The following CBLIF variants were observed in gnomAD, a reference collection of about 807,000 sequenced individuals.
CBLIF encodes cobalamin binding intrinsic factor.
Under a neutral mutation model 44.9 loss-of-function variants are expected in CBLIF, and 24 were observed. The ratio of observed to expected loss-of-function variants is 0.53; its 90% CI spans 0.39 to 0.75. The LOEUF (loss-of-function observed/expected upper bound fraction) is 0.75, where lower values mean the gene tolerates loss of function less well. Among genes scored for constraint, CBLIF ranks in the 30% least tolerant of loss-of-function variants. CBLIF has a pLI of 0.00. For missense variants in CBLIF, 481 were observed against 513.0 expected (o/e 0.94, Z 0.60); for synonymous variants, 183 against 190.9 (o/e 0.96, Z 0.34).
In CBLIF at chr11:59,829,516, C is replaced by G; in HGVS notation, c.1222G>C (p.Glu408Gln). 1 of 1,611,584 alleles carries G rather than the reference C, an allele frequency of 6.2e-7. No individual in the cohort carries two copies. The highest frequency in any genetic ancestry group is 8.5e-7 in the Non-Finnish European group (1 of 1,177,762). ...GVADYIPFNH[E>Q]HITANFTQY is the part of the protein sequence containing the mutation. ...TGTGTGAAATTGGCTGTGATGTGCT[C>G]GTGGTTGAAGGGTATGTAGTCAGCA... The change falls in exon 9 of 9, where the codon GAG (glutamate) becomes CAG (glutamine). Residue 408 changes from glutamate to glutamine, a missense_variant. Transcript: ENST00000257248.
intron 3 of CBLIF, 189 bp downstream of exon 3, chr11:59,842,838 CT>C (rs1866555879): frequency 9.2e-6 from 6 of 652,420 alleles, no homozygotes; most frequent in Non-Finnish European, 1.6e-5. Context: ...GGATCATGAC[CT>C]TTTCTAGTTC....
At chr11:59,842,422 G>A (rs769048446) in intron 4 of CBLIF, 21 bp downstream of exon 4, 1 of 1,612,806 alleles carries the variant, frequency 6.2e-7, no homozygotes, top group South Asian at 1.1e-5. Flanking sequence ...TCCCAGCTCG[G>A]GGTAGTGGTG....
chr11:59,842,292 C>G, intron 4 of CBLIF, 151 bp downstream of exon 4: 1 of 834,492 alleles, frequency 1.2e-6, no homozygotes, highest in East Asian at 2.5e-5. Context: ...GCCCAACAAA[C>G]ATCTGGTAAA....
At chr11:59,841,107 CAG>C in intron 5 of CBLIF, 34 bp downstream of exon 5, 4 of 1,522,588 alleles carry the variant, frequency 2.6e-6, no homozygotes, top group Non-Finnish European at 3.6e-6. Flanking sequence ...GGCTTATTGG[CAG>C]GAACCCAACC....
Position 59,837,310 on chromosome 11 carries a change from G to T in CBLIF, c.735C>A (p.Asn245Lys), listed in dbSNP as rs201261367. 6 of 1,613,290 alleles carry T rather than the reference G, an allele frequency of 3.7e-6. No homozygotes were observed. The Admixed American group carries it at 1.0e-4, about 27-fold the overall frequency. ...VTPEPSKKEW[N>K]CKKTTDMILN... Reference sequence around the variant, plus strand: ...GTATCATATCCGTAGTCTTCTTGCAGTTCCATTCCTTTTTAGATGGCTCAG... The same window carrying T: ...GTATCATATCCGTAGTCTTCTTGCATTTCCATTCCTTTTTAGATGGCTCAG... The change falls in exon 6 of 9, where the codon AAC (asparagine) becomes AAA (lysine). Residue 245 changes from asparagine (N) to lysine (K), a missense_variant. Asn to Lys is a moderately conservative substitution (Grantham distance 94, BLOSUM62 0). Transcript: ENST00000257248.
intron 7 of CBLIF, among the ~76,000 whole-genome samples, chr11:59,834,628 A>G (rs906374598): frequency 1.3e-5 from 2 of 151,326 alleles, no homozygotes; most frequent in African/African-American, 4.9e-5. Context: ...CCTACCCTCA[A>G]CTGATCCACC....
chr11:59,838,439 A>T lies in CBLIF; in HGVS notation c.694-1088T>A, dbSNP rs371931111. ...CGATTATGGCCACCAGAGCATGTTA[A>T]TAGGCTGAGATTGTTAATGACTGGT... On this transcript the variant is annotated intron_variant, in intron 5 of 8. Coordinates refer to ENST00000257248, the MANE Select transcript of CBLIF (RefSeq NM_005142.3). Among the ~76,000 whole-genome samples, 764 of 152,282 alleles carry T rather than the reference A, an allele frequency of 5.0e-3. 6 individuals carry two copies. Among genetic ancestry groups the T allele is most frequent in the African/African-American group, 0.016 (674 of 41,544 alleles).
In CBLIF at chr11:59,833,176, C is replaced by G. The variant is rs1321029615; in HGVS notation, c.1074-1380G>C. ...AAAGAAAAATTAGGCAAAATTAAAG[C>G]TAACTTCAGAGAAGTAAAGTACGGT... is the stretch of plus-strand genomic sequence containing the variant. On this transcript the variant is annotated intron_variant, in intron 7 of 8. Transcript: ENST00000257248. Among the ~76,000 whole-genome samples the G allele has an allele frequency of 5.3e-5, 8 of 152,064 alleles. No homozygotes were observed. In the East Asian group the frequency reaches 1.5e-3, roughly 29 times the overall value.
chr11:59,840,185 T>G (rs779739353), intron 5 of CBLIF, among the ~76,000 whole-genome samples: 9 of 152,212 alleles, frequency 5.9e-5, no homozygotes, highest in Non-Finnish European at 1.3e-4. Context: ...TTTTAATGTA[T>G]GAAATCTCAA....
intron 5 of CBLIF, among the ~76,000 whole-genome samples, chr11:59,840,739 T>C (rs773455295): frequency 3.3e-5 from 5 of 152,290 alleles, no homozygotes; most frequent in Middle Eastern, 3.4e-3. Flanking sequence ...AACACTTGGC[T>C]GGTAAGATTG....
At chr11:59,844,514 G>A (rs983364242) in intron 1 of CBLIF, among the ~76,000 whole-genome samples, 1 of 152,130 alleles carries the variant, frequency 6.6e-6, no homozygotes, top group Non-Finnish European at 1.5e-5. Context: ...AGAAAATGGT[G>A]AGATTTTACT....
rs755791368 is a variant in CBLIF at position 59,831,717 on chromosome 11, A to T, written c.1153T>A (p.Tyr385Asn). 6.3e-7 allele frequency: 1 copy of T among 1,595,722 alleles called. No homozygotes were observed. Among genetic ancestry groups the T allele is most frequent in the South Asian group, 1.1e-5 (1 of 90,716 alleles). Residue 385 changes from tyrosine to asparagine, a missense_variant, in exon 8 of 9, where the codon TAC (tyrosine) becomes AAC (asparagine). Physicochemically the swap from Tyr to Asn is moderately radical, Grantham distance 143. Coordinates refer to ENST00000257248, the MANE Select transcript of CBLIF (RefSeq NM_005142.3). ...NIAENVNHKT[Y>N]WQFLSGVTPL... ...GTTACACCACTAAGAAACTGCCAGT[A>T]TGTCTTGTGATTAACATTTTCCGCG...
intron 5 of CBLIF, 70 bp from the exon 6 acceptor site, chr11:59,837,421 T>C (rs1450339881): frequency 1.8e-6 from 2 of 1,125,226 alleles, no homozygotes; most frequent in African/African-American, 1.5e-5. Context: ...TTACATGTCT[T>C]AAGAGATAAA....
chr11:59,833,203 T>C (rs1015480066), intron 7 of CBLIF, among the ~76,000 whole-genome samples: 6 of 152,168 alleles, frequency 3.9e-5, no homozygotes, highest in African/African-American at 1.2e-4. Flanking sequence ...AAGTACGGTA[T>C]ATTCAGAGGG....
chr11:59,844,146 C>CTT (rs397974268), intron 1 of CBLIF, 91 bp from the exon 2 acceptor site: 22 of 993,864 alleles, frequency 2.2e-5, no homozygotes, highest in African/African-American at 3.2e-5. Flanking sequence ...TTCTTTCTTT[C>CTT]TTTTTTTTTT....
Position 59,835,856 on chromosome 11 carries a change from A to G in CBLIF, c.1025T>C (p.Val342Ala). Reference protein sequence around the residue: ...TINVSVKSGSVLLVVLEEAQR... With the variant: ...TINVSVKSGSALLVVLEEAQR... ...TGCTTCCTCTAGGACAACAAGTAAC[A>G]CTGACCCACTTTTCACACTAACATT... The change falls in exon 7 of 9, where the codon GTG becomes GCG. Residue 342 changes from valine to alanine, a missense_variant. Transcript: ENST00000257248. 1 of 1,614,174 alleles carries G rather than the reference A, an allele frequency of 6.2e-7. No homozygotes were observed.
At chr11:59,839,092 G>A (rs969530845) in intron 5 of CBLIF, among the ~76,000 whole-genome samples, 8 of 151,986 alleles carry the variant, frequency 5.3e-5, no homozygotes, top group African/African-American at 1.7e-4. Flanking sequence ...CAAGTGATCT[G>A]CCCGCCTCGT....
At chr11:59,844,779 T>G (rs902642353) in intron 1 of CBLIF, among the ~76,000 whole-genome samples, 2 of 152,176 alleles carry the variant, frequency 1.3e-5, no homozygotes, top group African/African-American at 2.4e-5. Flanking sequence ...CTGGTCACAA[T>G]AGCCACTGAG....
At chr11:59,836,440 A>G (rs1866457470) in intron 6 of CBLIF, among the ~76,000 whole-genome samples, 2 of 152,232 alleles carry the variant, frequency 1.3e-5, no homozygotes, top group South Asian at 4.1e-4. Context: ...CTCTGGAGTA[A>G]TAAGTTTTTA....
Sources: gnomAD v4.1 joint callset for allele counts (sites outside exome capture counted in the v4.1 genomes callset) on GRCh38, gnomAD v4.1.1 for gene constraint, MANE v1.5 for transcripts, NCBI Gene and HGNC (gene_info 2026-07-23, HGNC 2026-07-21) for gene names.